Variants in NACC2 observed in about 807,000 individuals in gnomAD.
NACC2 encodes NACC family member 2.
In NACC2, 8 loss-of-function variants were observed where a neutral mutation model predicts 25.1. The observed-to-expected ratio is 0.32, with a 90% CI of 0.19 to 0.57. The LOEUF (loss-of-function observed/expected upper bound fraction) is 0.57, where lower values mean the gene tolerates loss of function less well. Ranked by LOEUF, NACC2 falls within the 20% of genes least tolerant of loss-of-function variation. NACC2 has a pLI of 0.89. For synonymous variants in NACC2, 435 were observed against 294.7 expected (o/e 1.48, Z -4.88); for missense variants, 644 against 650.2 (o/e 0.99, Z 0.10).
chr9:136,033,648 C>CAAAAAAA (rs558163152), intron 2 of NACC2, among the ~76,000 whole-genome samples: 1 of 71,200 alleles, frequency 1.4e-5, no homozygotes, highest in Non-Finnish European at 2.6e-5. Context: ...GACTCTGTCT[C>CAAAAAAA]AAAAAAAAAA....
rs112810032 is a variant in NACC2 at position 136,070,013 on chromosome 9, C to G, written c.-59-19433G>C. ...GCAGAACATATGTTCTTTTCACGTG[C>G]CTGTGGAACATATGCCAAGACAGAC... On this transcript the variant is annotated intron_variant, in intron 1 of 5. Transcript: ENST00000277554. Among the ~76,000 whole-genome samples the G allele has an allele frequency of 3.8e-4, 58 of 151,950 alleles. 1 individual carries two copies. The highest frequency in any genetic ancestry group is 1.4e-3 in the African/African-American group (57 of 41,210).
At chr9:136,041,419 G>GAA (rs1307266023) in intron 2 of NACC2, among the ~76,000 whole-genome samples, 2 of 128,864 alleles carry the variant, frequency 1.6e-5, no homozygotes, top group African/African-American at 5.7e-5. Flanking sequence ...CATGATCTGA[G>GAA]AAAAAAAAAA....
At chr9:136,027,747 C>T (rs1304204964) in intron 2 of NACC2, among the ~76,000 whole-genome samples, 10 of 152,068 alleles carry the variant, frequency 6.6e-5, no homozygotes, top group Admixed American at 3.3e-4. Flanking sequence ...GCCCTAAGTG[C>T]TTTACTTTAA....
chr9:136,038,236 G>A (rs1474062389), intron 2 of NACC2, among the ~76,000 whole-genome samples: 4 of 152,142 alleles, frequency 2.6e-5, no homozygotes, highest in African/African-American at 4.8e-5. Flanking sequence ...ATGACTATAC[G>A]TATTTTTTTA....
intron 5 of NACC2, among the ~76,000 whole-genome samples, chr9:136,012,865 C>A (rs971029453): frequency 6.6e-6 from 1 of 152,198 alleles, no homozygotes; most frequent in Non-Finnish European, 1.5e-5. Context: ...AGGCAGAAGC[C>A]GGCCGAACAG....
chr9:136,030,736 A>G (rs1840460949), intron 2 of NACC2, among the ~76,000 whole-genome samples: 1 of 152,116 alleles, frequency 6.6e-6, no homozygotes, highest in South Asian at 2.1e-4. Flanking sequence ...ATCTCAGCTC[A>G]CTACAACCTG....
intron 3 of NACC2, among the ~76,000 whole-genome samples, chr9:136,015,253 C>T (rs999525229): frequency 1.9e-4 from 29 of 152,346 alleles, no homozygotes; most frequent in Middle Eastern, 3.4e-3. Context: ...CACCAGGGCC[C>T]GCGTGGGCAC....
intron 1 of NACC2, among the ~76,000 whole-genome samples, chr9:136,093,538 C>T (rs955711542): frequency 1.3e-5 from 2 of 152,196 alleles, no homozygotes; most frequent in Non-Finnish European, 2.9e-5. Flanking sequence ...GTGACCACTG[C>T]GAAAGGATCC....
chr9:136,041,095 A>AAGGAAGGAAAGGAAGG (rs1554738679), intron 2 of NACC2, among the ~76,000 whole-genome samples: 1 of 146,342 alleles, frequency 6.8e-6, no homozygotes, highest in South Asian at 2.2e-4. Context: ...GAAGCAAAGG[A>AAGGAAGGAAAGGAAGG]AAGGAAAGGA....
chr9:136,014,052 G>A (rs1215140550), intron 3 of NACC2, 83 bp from the exon 4 acceptor site: 10 of 684,422 alleles, frequency 1.5e-5, no homozygotes, highest in Admixed American at 3.2e-5. Context: ...TGAGGGGGAG[G>A]GGGGGAGGTG....
At chr9:136,082,450 G>A (rs1830334028) in intron 1 of NACC2, among the ~76,000 whole-genome samples, 1 of 152,146 alleles carries the variant, frequency 6.6e-6, no homozygotes, top group East Asian at 1.9e-4. Flanking sequence ...CCGAGCTGAT[G>A]GTGGCCCTCA....
chr9:136,059,445 T>C (rs570390137), intron 1 of NACC2, among the ~76,000 whole-genome samples: 1 of 152,112 alleles, frequency 6.6e-6, no homozygotes, highest in African/African-American at 2.4e-5. Context: ...CCTGAGAAAG[T>C]GGACAGCGGC....
rs1840037461 is a variant in NACC2, at chr9:136,007,500, CAT to C, written c.*4014_*4015del. Reference sequence around the variant, plus strand: ...AGACGCACACACGCACAGACACACACATGCACAGACGCGCACACACAGACGCA... The same window carrying C: ...AGACGCACACACGCACAGACACACACGCACAGACGCGCACACACAGACGCA... On this transcript the variant is annotated 3_prime_UTR_variant, in exon 6 of 6. Coordinates refer to ENST00000277554, the MANE Select transcript of NACC2 (RefSeq NM_144653.5). The C allele has an allele frequency of 6.7e-6, 1 of 149,966 alleles. No homozygotes were observed. The highest frequency in any genetic ancestry group is 2.1e-4 in the South Asian group (1 of 4,752). The allele number at this position is 149,966 out of a possible 1,614,324, so 9.3% of individuals were successfully genotyped here.
Position 136,050,587 on chromosome 9 carries a change from G to T in NACC2, c.-59-7C>A. On this transcript the variant is annotated splice_polypyrimidine_tract_variant and splice_region_variant and intron_variant, in intron 1 of 5. Transcript: ENST00000277554. The stretch of plus-strand genomic sequence containing the variant: ...CGGCCCTAGCGGGGCTCATCTGTGG[G>T]GGGCAGGAGGCACGTGGTCAGTTCC... The T allele has an allele frequency of 2.8e-6, 2 of 713,814 alleles. No individual in the cohort carries two copies. The highest frequency in any genetic ancestry group is 2.9e-5 in the South Asian group (2 of 68,542). 44.2% of individuals were successfully genotyped at this position (713,814 alleles called of 1,614,324 possible).
chr9:136,029,439 C>CTGGATGCGAA (rs1840441649), intron 2 of NACC2, among the ~76,000 whole-genome samples: 1 of 152,212 alleles, frequency 6.6e-6, no homozygotes, highest in Middle Eastern at 3.2e-3. Flanking sequence ...CCTCATTTTC[C>CTGGATGCGAA]TGGATGCGGA....
intron 2 of NACC2, among the ~76,000 whole-genome samples, chr9:136,029,246 A>G (rs1840439080): frequency 6.6e-6 from 1 of 152,170 alleles, no homozygotes; most frequent in African/African-American, 2.4e-5. Context: ...CAGCCAGACA[A>G]CAGGATGGCC....
In NACC2 at chr9:136,023,329, A is replaced by G. The variant is rs1840326678; in HGVS notation, c.887-6900T>C. On this transcript the variant is annotated intron_variant, in intron 2 of 5. Transcript: ENST00000277554. Reference sequence around the variant, plus strand: ...ACGCGAGGGGCCGGCATGACCCTGCAGCCCGCCAGGGCACCTGGGCCTGCT... The same window carrying G: ...ACGCGAGGGGCCGGCATGACCCTGCGGCCCGCCAGGGCACCTGGGCCTGCT... Among the ~76,000 whole-genome samples the G allele has an allele frequency of 2.0e-5, 3 of 151,976 alleles. No individual in the cohort carries two copies. The South Asian group carries it at 6.2e-4, about 32-fold the overall frequency.
intron 1 of NACC2, among the ~76,000 whole-genome samples, chr9:136,089,458 C>T (rs1830413561): frequency 6.6e-6 from 1 of 152,048 alleles, no homozygotes; most frequent in African/African-American, 2.4e-5. Context: ...TCAGGTTCTG[C>T]TCTGCCTGAG....
chr9:136,080,824 A>G lies in NACC2; in HGVS notation c.-60+14365T>C, dbSNP rs541612261. ...CAGGGAGAGCAGACGGCAGATGACCACAGGCCGGCCTGTGCCCGGCGCAAA... is the reference window on the plus strand; with the variant it reads ...CAGGGAGAGCAGACGGCAGATGACCGCAGGCCGGCCTGTGCCCGGCGCAAA... On this transcript the variant is annotated intron_variant, in intron 1 of 5. Coordinates refer to ENST00000277554, the MANE Select transcript of NACC2 (RefSeq NM_144653.5). Among the ~76,000 whole-genome samples the G allele has an allele frequency of 2.0e-5, 3 of 152,306 alleles. No homozygotes were observed. In the South Asian group the frequency reaches 6.2e-4, roughly 32 times the overall value.
Sources: gnomAD v4.1 joint callset for allele counts (sites outside exome capture counted in the v4.1 genomes callset) on GRCh38, gnomAD v4.1.1 for gene constraint, MANE v1.5 for transcripts, NCBI Gene and HGNC (gene_info 2026-07-23, HGNC 2026-07-21) for gene names.